Variants in RTN1 observed in about 807,000 individuals in gnomAD.
The protein encoded by RTN1 is reticulon 1.
A neutral mutation model predicts 65.5 loss-of-function variants in RTN1; 25 were observed. That is an observed-to-expected ratio of 0.38 (90% confidence interval 0.28 to 0.53). The LOEUF (loss-of-function observed/expected upper bound fraction) is 0.53. Ranked by LOEUF, RTN1 falls within the 20% of genes least tolerant of loss-of-function variation. The pLI, the probability that RTN1 is intolerant of heterozygous loss-of-function variation, is 0.79. For synonymous variants in RTN1, 471 were observed against 447.6 expected, an observed-to-expected ratio of 1.05 and a Z score of -0.66; for missense variants, 983 against 1,025.4, an observed-to-expected ratio of 0.96 and a Z score of 0.57.
At chr14:59,663,362 C>A (rs111900869) in intron 3 of RTN1, among the ~76,000 whole-genome samples, 2 of 152,090 alleles carry the variant, frequency 1.3e-5, no homozygotes, top group African/African-American at 4.8e-5. Flanking sequence ...AAACATAAGA[C>A]CTAAACCATA....
intron 4 of RTN1, chr14:59,606,102 T>TGA (rs1881737553): frequency 9.7e-5 from 5 of 51,686 alleles, no homozygotes; most frequent in African/African-American, 3.4e-4. Flanking sequence ...GGGAAAAACA[T>TGA]GATATATATA....
At chr14:59,610,640 T>C (rs1322055121) in intron 3 of RTN1, among the ~76,000 whole-genome samples, 1 of 152,212 alleles carries the variant, frequency 6.6e-6, no homozygotes, top group Non-Finnish European at 1.5e-5. Flanking sequence ...CAACTAACTT[T>C]AGGAGAAATT....
chr14:59,682,457 C>A (rs1006991275), intron 3 of RTN1, among the ~76,000 whole-genome samples: 1 of 152,172 alleles, frequency 6.6e-6, no homozygotes, highest in African/African-American at 2.4e-5. Context: ...GAAGTTTATA[C>A]CTATGTCTCC....
At chr14:59,832,769 T>TGAG (rs946970636) in intron 1 of RTN1, among the ~76,000 whole-genome samples, 2 of 152,212 alleles carry the variant, frequency 1.3e-5, no homozygotes, top group Non-Finnish European at 2.9e-5. Context: ...CATTACTCTT[T>TGAG]ACCAAACCTT....
intron 1 of RTN1, among the ~76,000 whole-genome samples, chr14:59,850,767 T>G (rs1004708147): frequency 6.6e-6 from 1 of 152,214 alleles, no homozygotes; most frequent in East Asian, 1.9e-4. Flanking sequence ...ATACAGTCCT[T>G]ACTATGTCTC....
intron 1 of RTN1, among the ~76,000 whole-genome samples, chr14:59,773,768 AG>A (rs1378450182): frequency 2.0e-5 from 3 of 152,142 alleles, no homozygotes; most frequent in Non-Finnish European, 4.4e-5. Flanking sequence ...GCTTTTTTAA[AG>A]CTTACTGTCT....
intron 1 of RTN1, among the ~76,000 whole-genome samples, chr14:59,864,741 G>C (rs909260676): frequency 4.6e-5 from 7 of 152,130 alleles, no homozygotes; most frequent in Admixed American, 1.3e-4. Flanking sequence ...ATTGTTGAAA[G>C]GTAAGGTGTG....
At chr14:59,633,444 G>C (rs905315323) in intron 3 of RTN1, among the ~76,000 whole-genome samples, 1 of 152,208 alleles carries the variant, frequency 6.6e-6, no homozygotes, top group African/African-American at 2.4e-5. Context: ...GGAAGCTTTA[G>C]GTGTTTGTCA....
chr14:59,619,863 G>C (rs1347043816), intron 3 of RTN1, among the ~76,000 whole-genome samples: 1 of 152,126 alleles, frequency 6.6e-6, no homozygotes, highest in East Asian at 1.9e-4. Flanking sequence ...CACTGGATTT[G>C]GAGACTGAAA....
Position 59,849,520 on chromosome 14 carries a change from T to C in RTN1, c.241+20870A>G, listed in dbSNP as rs1380572121. Among the ~76,000 whole-genome samples the C allele has an allele frequency of 1.3e-5, 2 of 152,214 alleles. No individual in the cohort carries two copies. The highest frequency in any genetic ancestry group is 2.9e-5 in the Non-Finnish European group (2 of 68,042). On this transcript the variant is annotated intron_variant, in intron 1 of 8. Coordinates refer to ENST00000267484, the MANE Select transcript of RTN1 (RefSeq NM_021136.3). The surrounding 1 kb of genome is among the most constrained non-coding windows in gnomAD (Gnocchi z 4.5). Reference sequence around the variant, plus strand: ...TTCTTCTCCATTTAGATAAAGTTAATATGAGTCTTTTGGAAAATCCCCATA... The same window carrying C: ...TTCTTCTCCATTTAGATAAAGTTAACATGAGTCTTTTGGAAAATCCCCATA...
intron 1 of RTN1, among the ~76,000 whole-genome samples, chr14:59,834,491 G>A (rs2139645290): frequency 6.6e-6 from 1 of 152,232 alleles, no homozygotes; most frequent in South Asian, 2.1e-4. Flanking sequence ...CAGAATACAA[G>A]AAGCACTATT....
chr14:59,832,956 T>C (rs1887151571), intron 1 of RTN1, among the ~76,000 whole-genome samples: 1 of 152,198 alleles, frequency 6.6e-6, no homozygotes, highest in Admixed American at 6.5e-5. Flanking sequence ...TTCCTCCTTG[T>C]GGAGTCCATG....
At position 59,746,116 on chromosome 14, in the gene RTN1, C is replaced by G. The variant is rs770735520; in HGVS notation, c.607G>C (p.Glu203Gln). Residue 203 changes from glutamate to glutamine, a missense_variant, in exon 2 of 9, where the codon GAG (glutamate) becomes CAG (glutamine). Physicochemically the swap from Glu to Gln is conservative, Grantham distance 29. Transcript: ENST00000267484. ...AYKYIDITRP[E>Q]EVKHQEQHHP... ...TGTTGTTCTTGGTGCTTCACCTCCTCGGGTCTGGTTATGTCAATGTATTTA... is the reference window on the plus strand; with the variant it reads ...TGTTGTTCTTGGTGCTTCACCTCCTGGGGTCTGGTTATGTCAATGTATTTA... 2 of 1,612,814 alleles carry G rather than the reference C, an allele frequency of 1.2e-6. No homozygotes were observed. The highest frequency in any genetic ancestry group is 1.7e-6 in the Non-Finnish European group (2 of 1,179,560).
chr14:59,730,464 A>G (rs922740634), intron 2 of RTN1, among the ~76,000 whole-genome samples: 1 of 152,240 alleles, frequency 6.6e-6, no homozygotes, highest in African/African-American at 2.4e-5. Flanking sequence ...CTTGGATTAG[A>G]AATCGTTTCA....
intron 3 of RTN1, among the ~76,000 whole-genome samples, chr14:59,648,101 T>A (rs1189518573): frequency 6.6e-6 from 1 of 152,172 alleles, no homozygotes; most frequent in African/African-American, 2.4e-5. Flanking sequence ...ACAAATGGGA[T>A]GTTACCATTG....
At chr14:59,654,391 G>A (rs1348750161) in intron 3 of RTN1, among the ~76,000 whole-genome samples, 6 of 148,430 alleles carry the variant, frequency 4.0e-5, no homozygotes, top group East Asian at 2.0e-4. Flanking sequence ...ATTGTGCCAC[G>A]GCACTCCAGC....
chr14:59,631,642 A>C (rs1882556932), intron 3 of RTN1, among the ~76,000 whole-genome samples: 1 of 152,152 alleles, frequency 6.6e-6, no homozygotes, highest in African/African-American at 2.4e-5. Context: ...ATACATCAAG[A>C]CCCTGAAGGA....
intron 3 of RTN1, among the ~76,000 whole-genome samples, chr14:59,685,621 T>G (rs1883830772): frequency 6.6e-6 from 1 of 152,098 alleles, no homozygotes; most frequent in South Asian, 2.1e-4. Flanking sequence ...TAAATGTATA[T>G]CTCTACACTA....
chr14:59,637,909 T>C (rs1882699897), intron 3 of RTN1, among the ~76,000 whole-genome samples: 1 of 151,256 alleles, frequency 6.6e-6, no homozygotes, highest in East Asian at 2.0e-4. Flanking sequence ...TGGAGTGCAG[T>C]GGCGCGATCT....
Sources: allele counts gnomAD v4.1 joint callset (sites outside exome capture counted in the v4.1 genomes callset), GRCh38; gene constraint gnomAD v4.1.1; non-coding constraint Gnocchi (gnomAD v3.1); transcripts MANE v1.5; gene names NCBI Gene and HGNC (gene_info 2026-07-23, HGNC 2026-07-21).